The following FOXP2 variants were observed in gnomAD, a reference collection of about 807,000 sequenced individuals.
FOXP2 encodes forkhead box protein P2.
Under a neutral mutation model 115.8 loss-of-function variants are expected in FOXP2, and 12 were observed. The ratio of observed to expected loss-of-function variants is 0.10; its 90% confidence interval spans 0.07 to 0.17. The LOEUF is 0.17. Ranked by LOEUF, FOXP2 falls within the 10% of genes least tolerant of loss-of-function variation. The probability of loss-of-function intolerance (pLI) is 1.00; values close to 1 mark genes in which losing one functional copy is unlikely to be tolerated. For missense variants in FOXP2, 629 were observed against 843.5 expected, an observed-to-expected ratio of 0.75 and a Z score of 3.15; for synonymous variants, 328 against 297.7, an observed-to-expected ratio of 1.10 and a Z score of -1.05.
At chr7:114,436,396 G>C (rs1171914212) in intron 2 of FOXP2, among the ~76,000 whole-genome samples, 1 of 150,846 alleles carries the variant, frequency 6.6e-6, no homozygotes, top group Non-Finnish European at 1.5e-5. Flanking sequence ...AGTTTTATGA[G>C]GGCAAGGGCC....
At position 114,155,053 on chromosome 7, in the gene FOXP2, G is replaced by T. The variant is rs140377025; in HGVS notation, c.-246-7891G>T. On this transcript the variant is annotated intron_variant, in intron 1 of 19. Coordinates refer to the FOXP2 transcript ENST00000635638. ...GTAAGTATTCCATTTTCTAAAATTG[G>T]CTGCTAATACAGTTATTAATAGAAT... Among the ~76,000 whole-genome samples the T allele has an allele frequency of 3.6e-3, 551 of 152,028 alleles. 4 individuals carry two copies. Among genetic ancestry groups the T allele is most frequent in the African/African-American group, 0.013 (526 of 41,472 alleles).
chr7:114,631,223 T>A (rs146204738), intron 5 of FOXP2, among the ~76,000 whole-genome samples: 431 of 152,304 alleles, frequency 2.8e-3, no homozygotes, highest in Admixed American at 4.8e-3. Context: ...TCTTTTAATC[T>A]AGAGAAATGT....
At chr7:114,314,362 C>A (rs1477797834) in intron 2 of FOXP2, among the ~76,000 whole-genome samples, 1 of 151,698 alleles carries the variant, frequency 6.6e-6, no homozygotes, top group Admixed American at 6.6e-5. Flanking sequence ...TTTTGCTCTG[C>A]CCCAGCTGTC....
chr7:114,482,050 G>A (rs1020236777), intron 2 of FOXP2, among the ~76,000 whole-genome samples: 1 of 151,122 alleles, frequency 6.6e-6, no homozygotes. Context: ...TAGTTGGCAG[G>A]GTCCCAGAAC....
chr7:114,523,013 A>G (rs1798696143), intron 2 of FOXP2, among the ~76,000 whole-genome samples: 1 of 151,858 alleles, frequency 6.6e-6, no homozygotes, highest in African/African-American at 2.4e-5. Flanking sequence ...ATATAAATGC[A>G]TTTCTTCTTT....
At chr7:114,351,242 G>A (rs1394789526) in intron 2 of FOXP2, among the ~76,000 whole-genome samples, 1 of 151,976 alleles carries the variant, frequency 6.6e-6, no homozygotes, top group Non-Finnish European at 1.5e-5. Context: ...ATAAAACAGA[G>A]AACTATTAGA....
chr7:114,104,121 T>C (rs529064477), intron 1 of FOXP2, among the ~76,000 whole-genome samples: 5 of 152,102 alleles, frequency 3.3e-5, no homozygotes, highest in Admixed American at 2.6e-4. Flanking sequence ...TATGATGGTG[T>C]ACTTGTTGCT....
chr7:114,143,334 A>G (rs565797904), intron 1 of FOXP2, among the ~76,000 whole-genome samples: 2 of 152,182 alleles, frequency 1.3e-5, no homozygotes, highest in African/African-American at 4.8e-5. Context: ...TATAAAGCCT[A>G]TGATTAGATT....
chr7:114,242,869 G>C (rs1156400237), intron 1 of FOXP2, among the ~76,000 whole-genome samples: 1 of 152,088 alleles, frequency 6.6e-6, no homozygotes, highest in East Asian at 1.9e-4. Context: ...GAAATGTCCT[G>C]CCTAATGCAG....
At chr7:114,439,135 A>G (rs915502450) in intron 2 of FOXP2, among the ~76,000 whole-genome samples, 1 of 152,204 alleles carries the variant, frequency 6.6e-6, no homozygotes, top group East Asian at 1.9e-4. Flanking sequence ...GTCATATATT[A>G]AATTTTTCTC....
intron 2 of FOXP2, among the ~76,000 whole-genome samples, chr7:114,386,041 G>A (rs1451898395): frequency 6.6e-6 from 1 of 152,224 alleles, no homozygotes; most frequent in Non-Finnish European, 1.5e-5. Flanking sequence ...TAACGTTGCA[G>A]GAACAATGGC....
At chr7:114,230,975 TACACACAC>T (rs3086371) in intron 1 of FOXP2, among the ~76,000 whole-genome samples, 1 of 147,032 alleles carries the variant, frequency 6.8e-6, no homozygotes, top group African/African-American at 2.5e-5. Context: ...CCCTAAAGAT[TACACACAC>T]ACACACACAC....
At chr7:114,577,419 A>G (rs1463151098) in intron 3 of FOXP2, among the ~76,000 whole-genome samples, 1 of 152,008 alleles carries the variant, frequency 6.6e-6, no homozygotes, top group Non-Finnish European at 1.5e-5. Context: ...AATTGCACTT[A>G]TTTACTTTCA....
intron 2 of FOXP2, among the ~76,000 whole-genome samples, chr7:114,398,216 A>G (rs568893189): frequency 1.3e-5 from 2 of 152,286 alleles, no homozygotes; most frequent in South Asian, 4.1e-4. Context: ...TTTCAAAAAT[A>G]CCATATGTAA....
At chr7:114,271,481 T>G (rs1380135782) in intron 1 of FOXP2, among the ~76,000 whole-genome samples, 1 of 135,032 alleles carries the variant, frequency 7.4e-6, no homozygotes, top group Non-Finnish European at 1.5e-5. Flanking sequence ...AGGATTTATA[T>G]ATATATATTT....
chr7:114,088,570 A>G (rs1270211137), intron 1 of FOXP2, among the ~76,000 whole-genome samples: 2 of 152,232 alleles, frequency 1.3e-5, no homozygotes, highest in African/African-American at 4.8e-5. Context: ...CCTAACTCAA[A>G]TAGTTTGTTT....
At chr7:114,272,050 TAAATATATA>T (rs1796074999) in intron 1 of FOXP2, among the ~76,000 whole-genome samples, 1 of 141,688 alleles carries the variant, frequency 7.1e-6, no homozygotes. Flanking sequence ...TAAATATGTA[TAAATATATA>T]AAATATATAA....
intron 2 of FOXP2, among the ~76,000 whole-genome samples, chr7:114,352,961 C>G (rs189327894): frequency 7.1e-4 from 108 of 152,234 alleles, no homozygotes; most frequent in African/African-American, 2.5e-3. Context: ...AATTCTTCAA[C>G]CCACTAGATA....
intron 3 of FOXP2, among the ~76,000 whole-genome samples, chr7:114,589,602 A>C (rs1341646049): frequency 6.6e-6 from 1 of 152,170 alleles, no homozygotes; most frequent in African/African-American, 2.4e-5. Flanking sequence ...TAGACTAATA[A>C]TGCACTTCTC....
Sources: allele counts gnomAD v4.1 joint callset (sites outside exome capture counted in the v4.1 genomes callset), GRCh38; gene constraint gnomAD v4.1.1; transcripts MANE v1.5; gene names NCBI Gene and HGNC (gene_info 2026-07-23, HGNC 2026-07-21).